The following ATAD3C variants were observed in gnomAD, a reference collection of about 807,000 sequenced individuals.
ATAD3C encodes ATPase family AAA domain-containing protein 3C.
ATAD3C carries 38 observed loss-of-function variants against 46.3 expected under a neutral mutation model. The ratio of observed to expected loss-of-function variants is 0.82; its 90% confidence interval spans 0.63 to 1.08. The LOEUF (loss-of-function observed/expected upper bound fraction) is 1.08, where lower values mean the gene tolerates loss of function less well. ATAD3C is among the 50% of genes least tolerant of loss of function. The pLI, the probability that ATAD3C is intolerant of heterozygous loss-of-function variation, is 0.00. For missense variants in ATAD3C, 563 were observed against 572.7 expected, an observed-to-expected ratio of 0.98 and a Z score of 0.17; for synonymous variants, 220 against 236.4, an observed-to-expected ratio of 0.93 and a Z score of 0.63.
rs1463703481 is a variant in ATAD3C at position 1,452,111 on chromosome 1, G to A, written c.141G>A (p.Leu47=). 5.6e-6 allele frequency: 9 copies of A among 1,613,402 alleles called. No individual in the cohort carries two copies. In the East Asian group the frequency reaches 1.3e-4, roughly 24 times the overall value. ...ESVQKHHQTF[L]ESIRAAGTLF... ...TGCAGAAGCACCATCAGACCTTCTTGGAGTCCATCAGGTGAGCGCTGCCGA... is the reference window on the plus strand; with the variant it reads ...TGCAGAAGCACCATCAGACCTTCTTAGAGTCCATCAGGTGAGCGCTGCCGA... Residue 47 remains leucine (L), a synonymous_variant, in exon 2 of 12, where the codon TTG becomes TTA. Coordinates refer to ENST00000378785, the MANE Select transcript of ATAD3C (RefSeq NM_001039211.3).
chr1:1,455,216 CAAAAAAAAAA>C (rs56939451), intron 4 of ATAD3C, among the ~76,000 whole-genome samples: 3 of 49,280 alleles, frequency 6.1e-5, no homozygotes, highest in Non-Finnish European at 1.0e-4. Context: ...GACTCCGTCT[CAAAAAAAAAA>C]AAAAAAAAAA....
rs901884447 is a variant in ATAD3C at position 1,450,586 on chromosome 1, C to T, written c.-98C>T. ...TGGGGGCTTTGAGGTCGAGGCGTGG[C>T]CGTGGATTCCAGAAAGCCCCTTGGC... is the stretch of plus-strand genomic sequence containing the variant. On this transcript the variant is annotated 5_prime_UTR_variant, in exon 1 of 12. Coordinates refer to ENST00000378785, the MANE Select transcript of ATAD3C (RefSeq NM_001039211.3). 3.4e-6 allele frequency: 5 copies of T among 1,468,034 alleles called. No homozygotes were observed. In the African/African-American group the frequency reaches 7.0e-5, roughly 20 times the overall value. 90.9% of individuals were successfully genotyped at this position (1,468,034 alleles called of 1,614,324 possible).
intron 2 of ATAD3C, 62 bp from the exon 3 acceptor site, chr1:1,452,303 G>A: frequency 1.9e-6 from 3 of 1,611,932 alleles, no homozygotes; most frequent in African/African-American, 1.3e-5. Context: ...CCCTCAACCT[G>A]TTCTTGCTAC....
chr1:1,469,806 C>A lies in ATAD3C; in HGVS notation c.*1276C>A. 6.6e-6 allele frequency: 1 copy of A among 152,080 alleles called. No homozygotes were observed. The highest frequency in any genetic ancestry group is 2.0e-4 in the South Asian group (1 of 5,002). 9.4% of individuals were successfully genotyped at this position (152,080 alleles called of 1,614,324 possible). Reference sequence around the variant, plus strand: ...GGGCCCAAGCTAAGCCATCATATCTCCTGTGACCTGCACTTATACATCCAG... The same window carrying A: ...GGGCCCAAGCTAAGCCATCATATCTACTGTGACCTGCACTTATACATCCAG... On this transcript the variant is annotated 3_prime_UTR_variant, in exon 12 of 12. Transcript: ENST00000378785.
intron 3 of ATAD3C, among the ~76,000 whole-genome samples, chr1:1,453,964 G>C (rs1022661663): frequency 6.6e-6 from 1 of 151,962 alleles, no homozygotes; most frequent in Non-Finnish European, 1.5e-5. Context: ...TTTAAAACGA[G>C]TTAGAGATTT....
At chr1:1,458,082 T>C (rs1411160776) in intron 8 of ATAD3C, among the ~76,000 whole-genome samples, 1 of 144,398 alleles carries the variant, frequency 6.9e-6, no homozygotes, top group Non-Finnish European at 1.5e-5. Flanking sequence ...GGGTTCAAGC[T>C]GGTCTCCTGC....
rs1457778390 is a variant in ATAD3C, at chr1:1,469,775, G to A, written c.*1245G>A. 6.6e-5 allele frequency: 10 copies of A among 151,400 alleles called. No individual in the cohort carries two copies. The highest frequency in any genetic ancestry group is 1.0e-4 in the Non-Finnish European group (7 of 67,864). The allele number at this position is 151,400 out of a possible 1,614,324, so 9.4% of individuals were successfully genotyped here. A position where few individuals can be genotyped will look rare whatever the true frequency, so the allele number is the denominator to read the frequency against. ...GCAACCTCCACCTTCAGGGTGTCAG[G>A]CCTCTGGGCCCAAGCTAAGCCATCA... On this transcript the variant is annotated 3_prime_UTR_variant, in exon 12 of 12. Coordinates refer to ENST00000378785, the MANE Select transcript of ATAD3C (RefSeq NM_001039211.3).
At chr1:1,453,937 A>C (rs565183148) in intron 3 of ATAD3C, among the ~76,000 whole-genome samples, 2 of 152,050 alleles carry the variant, frequency 1.3e-5, no homozygotes, top group East Asian at 3.9e-4. Flanking sequence ...TACTGTGCCC[A>C]GCCGGCCTAA....
At chr1:1,457,745 C>T (rs1324264633) in intron 8 of ATAD3C, among the ~76,000 whole-genome samples, 1 of 151,132 alleles carries the variant, frequency 6.6e-6, no homozygotes, top group African/African-American at 2.4e-5. Context: ...GTGGCGTGAT[C>T]TCGGCTCACT....
At position 1,460,878 on chromosome 1, in the gene ATAD3C, T is replaced by C. The variant is rs1639049890; in HGVS notation, c.941T>C (p.Leu314Pro). 3.1e-6 allele frequency: 5 copies of C among 1,612,654 alleles called. No homozygotes were observed. Among genetic ancestry groups the C allele is most frequent in the Non-Finnish European group, 4.2e-6 (5 of 1,179,226 alleles). ...EERARLVRMY[L>P]NEYVLKPATE... ...CGGGCGCGCCTGGTGAGAATGTATC[T>C]TAACGAGTATGTTCTTAAGCCGGCC... The change falls in exon 10 of 12, where the codon CTT becomes CCT. Residue 314 changes from leucine to proline, a missense_variant. Leu to Pro is a moderately conservative substitution (Grantham distance 98). This residue lies in a region of ATAD3C where 273 missense variants were observed against 253.5 expected (regional missense o/e 1.08). Coordinates refer to ENST00000378785, the MANE Select transcript of ATAD3C (RefSeq NM_001039211.3).
At position 1,460,816 on chromosome 1, in the gene ATAD3C, C is replaced by A. The variant is rs368166515; in HGVS notation, c.879C>A (p.Asp293Glu). ...ACTGGGCCATCAATGCCTGCATCGA[C>A]GTGATGGTCCACTTCGACCTGCCAG... ...QFDWAINACI[D>E]VMVHFDLPGQ... is the part of the protein sequence containing the mutation. Residue 293 changes from aspartate (D) to glutamate (E), a missense_variant, in exon 10 of 12, where the codon GAC becomes GAA. By Grantham distance (45) the Asp-to-Glu change is conservative (BLOSUM62 2). Around this residue, in one of 3 missense-constraint regions of ATAD3C, gnomAD observed 273 missense variants for 253.5 expected, o/e 1.08. Transcript: ENST00000378785. The A allele has an allele frequency of 1.4e-5, 22 of 1,612,724 alleles. No homozygotes were observed. The Admixed American group carries it at 3.2e-4, about 23-fold the overall frequency.
rs746379288 is a variant in ATAD3C at position 1,452,037 on chromosome 1, T to G, written c.76-9T>G. The G allele has an allele frequency of 1.1e-4, 184 of 1,613,012 alleles. 4 individuals carry two copies. Among genetic ancestry groups the G allele is most frequent in the Non-Finnish European group, 1.5e-4 (180 of 1,179,410 alleles). ...AAGGCTTTTCTCTTTTTCTGCGGCT[T>G]CTTCTCAGCAACTTGTCAATGAGGA... On this transcript the variant is annotated splice_polypyrimidine_tract_variant and intron_variant, in intron 1 of 11. Coordinates refer to ENST00000378785, the MANE Select transcript of ATAD3C (RefSeq NM_001039211.3).
At chr1:1,458,053 G>A (rs944681285) in intron 8 of ATAD3C, among the ~76,000 whole-genome samples, 10 of 150,788 alleles carry the variant, frequency 6.6e-5, no homozygotes, top group Admixed American at 2.7e-4. Flanking sequence ...ATCTTGGCTC[G>A]CTGCAACCTC....
rs1055054524 is a variant in ATAD3C, at chr1:1,462,919, A to G, written c.1089+211A>G. 1.3e-5 allele frequency among the ~76,000 whole-genome samples: 2 copies of G among 152,142 alleles called. No homozygotes were observed. Among genetic ancestry groups the G allele is most frequent in the Non-Finnish European group, 2.9e-5 (2 of 68,008 alleles). On this transcript the variant is annotated intron_variant, in intron 11 of 11. Transcript: ENST00000378785. This position sits in a 1 kb window ranked among gnomAD's most constrained non-coding sequence, Gnocchi z 4.5. ...CCAGCAAGAAGGGTGGGGCCATGTCAGTGGCTGACGGTCACAGGTCAGGAA... is the reference window on the plus strand; with the variant it reads ...CCAGCAAGAAGGGTGGGGCCATGTCGGTGGCTGACGGTCACAGGTCAGGAA...
At chr1:1,461,838 T>TG (rs1346870260) in intron 10 of ATAD3C, among the ~76,000 whole-genome samples, 4 of 152,132 alleles carry the variant, frequency 2.6e-5, no homozygotes, top group African/African-American at 9.7e-5. Flanking sequence ...CACCCGGCCC[T>TG]GGAGCCTCGT....
At chr1:1,460,955 C>G (rs1639051879) in intron 10 of ATAD3C, 38 bp downstream of exon 10, 1 of 1,571,618 alleles carries the variant, frequency 6.4e-7, no homozygotes, top group African/African-American at 1.3e-5. Context: ...TCCAGGGGCC[C>G]TCGCTCAGGG....
intron 4 of ATAD3C, among the ~76,000 whole-genome samples, chr1:1,454,994 T>G (rs1443965894): frequency 6.6e-6 from 1 of 151,606 alleles, no homozygotes; most frequent in East Asian, 1.9e-4. Context: ...GACAGGTGGA[T>G]CATGAGGTCA....
intron 7 of ATAD3C, among the ~76,000 whole-genome samples, chr1:1,456,616 G>A (rs902993622): frequency 7.5e-4 from 113 of 151,512 alleles, no homozygotes; most frequent in Admixed American, 2.5e-3. Context: ...GGGGGAGAGG[G>A]GTCTTCACAG....
rs759541917 is a variant in ATAD3C at position 1,460,806 on chromosome 1, C to T, written c.869C>T (p.Ala290Val). 22 of 1,612,896 alleles carry T rather than the reference C, an allele frequency of 1.4e-5. No individual in the cohort carries two copies. The highest frequency in any genetic ancestry group is 1.9e-5 in the Non-Finnish European group (22 of 1,179,404). The change falls in exon 10 of 12, where the codon GCC (alanine) becomes GTC (valine). Residue 290 changes from alanine to valine, a missense_variant. By Grantham distance (64) the Ala-to-Val change is moderately conservative. Around this residue, in one of 3 missense-constraint regions of ATAD3C, gnomAD observed 273 missense variants for 253.5 expected, o/e 1.08. Coordinates refer to ENST00000378785, the MANE Select transcript of ATAD3C (RefSeq NM_001039211.3). ...GAGCAGTTCGACTGGGCCATCAATGCCTGCATCGACGTGATGGTCCACTTC... is the reference window on the plus strand; with the variant it reads ...GAGCAGTTCGACTGGGCCATCAATGTCTGCATCGACGTGATGGTCCACTTC... ...HPEQFDWAIN[A>V]CIDVMVHFDL...
Sources: allele counts gnomAD v4.1 joint callset (sites outside exome capture counted in the v4.1 genomes callset), GRCh38; gene constraint gnomAD v4.1.1; regional missense constraint gnomAD v4.1.1; non-coding constraint Gnocchi (gnomAD v3.1); transcripts MANE v1.5; gene names NCBI Gene and HGNC (gene_info 2026-07-23, HGNC 2026-07-21).